Variants in MAGI2 observed in about 807,000 individuals in gnomAD.
The protein encoded by MAGI2 is membrane associated guanylate kinase, WW and PDZ domain containing 2, also known as membrane-associated guanylate kinase, WW and PDZ domain-containing protein 2.
MAGI2 carries 35 observed loss-of-function variants against 133.3 expected under a neutral mutation model. The observed-to-expected ratio is 0.26, with a 90% CI of 0.20 to 0.35. The LOEUF (loss-of-function observed/expected upper bound fraction) is 0.35. Ranked by LOEUF, MAGI2 falls within the 10% of genes least tolerant of loss-of-function variation. MAGI2 has a pLI of 1.00. For missense variants in MAGI2, 1,636 were observed against 1,863.4 expected, an observed-to-expected ratio of 0.88 and a Z score of 2.25; for synonymous variants, 729 against 710.6, an observed-to-expected ratio of 1.03 and a Z score of -0.41.
At chr7:78,840,329 C>T (rs1307381012) in intron 2 of MAGI2, among the ~76,000 whole-genome samples, 2 of 151,976 alleles carry the variant, frequency 1.3e-5, no homozygotes, top group African/African-American at 4.8e-5. Context: ...TCATACAATA[C>T]GTTGAGTATG....
intron 1 of MAGI2, among the ~76,000 whole-genome samples, chr7:79,272,526 C>T (rs1399769518): frequency 2.0e-5 from 3 of 151,898 alleles, no homozygotes; most frequent in East Asian, 1.9e-4. Context: ...ATTAGTTCAC[C>T]GAACTTGTAT....
chr7:79,161,826 C>G (rs767446208), intron 1 of MAGI2, among the ~76,000 whole-genome samples: 1 of 151,968 alleles, frequency 6.6e-6, no homozygotes, highest in Non-Finnish European at 1.5e-5. Context: ...TAGTTGTTTG[C>G]GTAAGTTCGA....
intron 1 of MAGI2, among the ~76,000 whole-genome samples, chr7:79,374,372 G>A (rs901244934): frequency 4.6e-5 from 7 of 151,190 alleles, no homozygotes; most frequent in Admixed American, 1.3e-4. Flanking sequence ...AAATACACAC[G>A]GAGAAGATGG....
chr7:78,225,857 A>C (rs1310228789), intron 10 of MAGI2, among the ~76,000 whole-genome samples: 1 of 152,168 alleles, frequency 6.6e-6, no homozygotes, highest in African/African-American at 2.4e-5. Flanking sequence ...TAGTCCTTTG[A>C]GTGTCCAAGG....
intron 2 of MAGI2, among the ~76,000 whole-genome samples, chr7:78,962,326 G>C (rs564571393): frequency 6.6e-6 from 1 of 152,186 alleles, no homozygotes; most frequent in Admixed American, 6.5e-5. Flanking sequence ...GTCATGCTTA[G>C]TTAAAACTTC....
intron 1 of MAGI2, among the ~76,000 whole-genome samples, chr7:79,220,882 G>T (rs1830396700): frequency 6.6e-6 from 1 of 152,002 alleles, no homozygotes; most frequent in Non-Finnish European, 1.5e-5. Flanking sequence ...AGAGTCACCT[G>T]AGAAAAAAGA....
At chr7:78,823,580 CAAAAAAAAA>C (rs1166858938) in intron 2 of MAGI2, among the ~76,000 whole-genome samples, 1 of 91,848 alleles carries the variant, frequency 1.1e-5, no homozygotes. Context: ...GACTCCGTCT[CAAAAAAAAA>C]AAAAAAAAAA....
At chr7:79,438,447 G>T (rs1848288743) in intron 1 of MAGI2, among the ~76,000 whole-genome samples, 1 of 151,974 alleles carries the variant, frequency 6.6e-6, no homozygotes, top group Non-Finnish European at 1.5e-5. Context: ...TATTACTTAT[G>T]CACTAAGAAC....
At chr7:79,316,889 A>C (rs1476007662) in intron 1 of MAGI2, among the ~76,000 whole-genome samples, 1 of 152,148 alleles carries the variant, frequency 6.6e-6, no homozygotes, top group Admixed American at 6.6e-5. Flanking sequence ...GAAGTTAAAT[A>C]ACTTGCCCAG....
chr7:78,381,520 T>C (rs769003830), intron 6 of MAGI2, among the ~76,000 whole-genome samples: 5 of 151,960 alleles, frequency 3.3e-5, no homozygotes, highest in Non-Finnish European at 7.4e-5. Flanking sequence ...TACTAAAAGA[T>C]AACCGATGAA....
At chr7:78,430,265 T>TTC (rs60319179) in intron 6 of MAGI2, among the ~76,000 whole-genome samples, 2 of 144,094 alleles carry the variant, frequency 1.4e-5, no homozygotes, top group African/African-American at 5.3e-5. Flanking sequence ...TTTTTTTTTT[T>TTC]AATAAGAGGG....
chr7:79,319,480 C>A (rs2129561468), intron 1 of MAGI2, among the ~76,000 whole-genome samples: 1 of 152,234 alleles, frequency 6.6e-6, no homozygotes, highest in South Asian at 2.1e-4. Context: ...TCTGGCCAAT[C>A]ACATTTAAGC....
chr7:79,308,411 T>G (rs1342260271), intron 1 of MAGI2, among the ~76,000 whole-genome samples: 4 of 152,272 alleles, frequency 2.6e-5, no homozygotes, highest in South Asian at 2.1e-4. Context: ...TGGTGCAATC[T>G]TTGGCTATGG....
intron 9 of MAGI2, among the ~76,000 whole-genome samples, chr7:78,313,507 C>A (rs944550647): frequency 1.3e-5 from 2 of 151,710 alleles, no homozygotes; most frequent in Non-Finnish European, 2.9e-5. Flanking sequence ...AGAATAGAAA[C>A]AATGATACCA....
intron 2 of MAGI2, among the ~76,000 whole-genome samples, chr7:78,674,036 T>C (rs1814708193): frequency 6.6e-6 from 1 of 152,140 alleles, no homozygotes; most frequent in Non-Finnish European, 1.5e-5. Flanking sequence ...AATGACCCAC[T>C]GGCTTAAATT....
At chr7:78,964,346 T>C (rs1009074300) in intron 2 of MAGI2, among the ~76,000 whole-genome samples, 1 of 152,088 alleles carries the variant, frequency 6.6e-6, no homozygotes, top group Non-Finnish European at 1.5e-5. Context: ...GCTTAGCTTA[T>C]ATCATTTTCA....
intron 3 of MAGI2, chr7:78,617,023 T>TA (rs927038920): frequency 2.0e-5 from 3 of 152,090 alleles, no homozygotes; most frequent in Non-Finnish European, 2.9e-5. Flanking sequence ...ATAAGTGCAA[T>TA]AAAAAATAAA....
At chr7:78,359,902 G>A (rs1254748301) in intron 7 of MAGI2, among the ~76,000 whole-genome samples, 1 of 152,130 alleles carries the variant, frequency 6.6e-6, no homozygotes, top group Non-Finnish European at 1.5e-5. Context: ...AAGCCAGAGA[G>A]GTTAAATGTA....
At chr7:79,171,770 A>ATATATATATATATTTTTTTT in intron 1 of MAGI2, among the ~76,000 whole-genome samples, 36 of 31,178 alleles carry the variant, frequency 1.2e-3, no homozygotes, top group Admixed American at 2.8e-3. Flanking sequence ...ATATATATAT[A>ATATATATATATATTTTTTTT]TTTTTTTTTT....
Sources: allele counts gnomAD v4.1 joint callset (sites outside exome capture counted in the v4.1 genomes callset), GRCh38; gene constraint gnomAD v4.1.1; transcripts MANE v1.5; gene names NCBI Gene and HGNC (gene_info 2026-07-23, HGNC 2026-07-21).